AGPAT4: variants seen among roughly 807,000 people sequenced by gnomAD.
AGPAT4 encodes 1-acyl-sn-glycerol-3-phosphate acyltransferase delta.
AGPAT4 carries 15 observed loss-of-function variants against 48.0 expected under a neutral mutation model. The ratio of observed to expected loss-of-function variants is 0.31; its 90% CI spans 0.21 to 0.48. The LOEUF (loss-of-function observed/expected upper bound fraction) is 0.48. AGPAT4 is among the 20% of genes least tolerant of loss of function. AGPAT4 has a pLI of 0.99. For synonymous variants in AGPAT4, 178 were observed against 198.7 expected (o/e 0.90, Z 0.88); for missense variants, 314 against 482.5 (o/e 0.65, Z 3.27).
In AGPAT4 at chr6:161,147,321, CAG is replaced by C. The variant is rs1226357131; in HGVS notation, c.768-724_768-723del. 2.6e-5 allele frequency among the ~76,000 whole-genome samples: 4 copies of C among 152,242 alleles called. No homozygotes were observed. The South Asian group carries it at 6.2e-4, about 24-fold the overall frequency. ...ATTTGCAAAGAGCCCATACTGAACA[CAG>C]GGAGAAGTCACTCTGCCACCTTTGC... On this transcript the variant is annotated intron_variant, in intron 6 of 8. Coordinates refer to ENST00000320285, the MANE Select transcript of AGPAT4 (RefSeq NM_020133.3). This position sits in a 1 kb window ranked among gnomAD's most constrained non-coding sequence, Gnocchi z 4.8.
intron 1 of AGPAT4, among the ~76,000 whole-genome samples, chr6:161,268,624 C>G (rs1371951886): frequency 6.6e-6 from 1 of 152,192 alleles, no homozygotes; most frequent in East Asian, 1.9e-4. Context: ...CTAAACAGAG[C>G]AGAGATGCCC....
rs867233881 is a variant in AGPAT4 at position 161,142,675 on chromosome 6, G to T, written c.844-3055C>A. Among the ~76,000 whole-genome samples, 2 of 152,196 alleles carry T rather than the reference G, an allele frequency of 1.3e-5. No homozygotes were observed. The highest frequency in any genetic ancestry group is 6.5e-5 in the Admixed American group (1 of 15,282). ...GGAGAAAAGAACGGGAGGAAGAACA[G>T]GAAAGAACGAAGAATAGAAGAGAAA... On this transcript the variant is annotated intron_variant, in intron 7 of 8. Transcript: ENST00000320285. The surrounding 1 kb of genome is among the most constrained non-coding windows in gnomAD (Gnocchi z 6.4).
At chr6:161,265,404 A>G (rs1267115549) in intron 1 of AGPAT4, among the ~76,000 whole-genome samples, 1 of 143,234 alleles carries the variant, frequency 7.0e-6, no homozygotes, top group Non-Finnish European at 1.5e-5. Flanking sequence ...TGGGTGCTGG[A>G]TTAGTACCCA....
At position 161,259,466 on chromosome 6, in the gene AGPAT4, C is replaced by A. The variant is rs576576159; in HGVS notation, c.-90+14472G>T. Among the ~76,000 whole-genome samples, 7 of 151,822 alleles carry A rather than the reference C, an allele frequency of 4.6e-5. No homozygotes were observed. The highest frequency in any genetic ancestry group is 1.0e-4 in the Non-Finnish European group (7 of 67,972). ...TAGAGCCACCCGGTCTTTTGCAGGG[C>A]GGTCTGGAGTTGGTTGAGTCTAGAG... On this transcript the variant is annotated intron_variant, in intron 1 of 8. Coordinates refer to ENST00000320285, the MANE Select transcript of AGPAT4 (RefSeq NM_020133.3). The surrounding 1 kb of genome is among the most constrained non-coding windows in gnomAD (Gnocchi z 4.9).
chr6:161,211,489 C>T (rs1781521215), intron 2 of AGPAT4, among the ~76,000 whole-genome samples: 1 of 151,898 alleles, frequency 6.6e-6, no homozygotes, highest in African/African-American at 2.4e-5. Context: ...GAAATAATTT[C>T]ATATGAGAAA....
Position 161,240,264 on chromosome 6 carries a change from A to G in AGPAT4, c.-89-7962T>C, listed in dbSNP as rs1454765732. ...CACACACACACACACACACACACAC[A>G]CACTTAAACAAGTCTGTCCACCTGG... is the stretch of plus-strand genomic sequence containing the variant. On this transcript the variant is annotated intron_variant, in intron 1 of 8. Coordinates refer to ENST00000320285, the MANE Select transcript of AGPAT4 (RefSeq NM_020133.3). This position sits in a 1 kb window ranked among gnomAD's most constrained non-coding sequence, Gnocchi z 5.5. 2.1e-5 allele frequency among the ~76,000 whole-genome samples: 3 copies of G among 143,438 alleles called. No homozygotes were observed. The highest frequency in any genetic ancestry group is 8.0e-5 in the African/African-American group (3 of 37,708). 94.1% of individuals were successfully genotyped at this position (143,438 alleles called of 152,430 possible).
In AGPAT4 at chr6:161,153,345, C is replaced by T. The variant is rs751622068; in HGVS notation, c.664+1G>A. 1.2e-6 allele frequency: 2 copies of T among 1,606,090 alleles called. No homozygotes were observed. The highest frequency in any genetic ancestry group is 1.7e-6 in the Non-Finnish European group (2 of 1,176,036). On this transcript the variant is annotated splice_donor_variant, in intron 5 of 8. Transcript: ENST00000320285. LOFTEE classifies it high-confidence loss of function. ...GCCCAGGGCCACGCACTCTTCCTTA[C>T]CTACATTTCTCAAGCTCCTCACGGT... is the stretch of plus-strand genomic sequence containing the variant.
At position 161,254,952 on chromosome 6, in the gene AGPAT4, G is replaced by T. The variant is rs1399795174; in HGVS notation, c.-90+18986C>A. 6.6e-6 allele frequency among the ~76,000 whole-genome samples: 1 copy of T among 152,140 alleles called. No homozygotes were observed. The highest frequency in any genetic ancestry group is 1.5e-5 in the Non-Finnish European group (1 of 68,022). On this transcript the variant is annotated intron_variant, in intron 1 of 8. Transcript: ENST00000320285. The surrounding 1 kb of genome is among the most constrained non-coding windows in gnomAD (Gnocchi z 5.9). Reference sequence around the variant, plus strand: ...TCACAAAAGCCAGCCCTGACTTCGCGAAGAAAAAGCCTCAAACTGCAGAAC... The same window carrying T: ...TCACAAAAGCCAGCCCTGACTTCGCTAAGAAAAAGCCTCAAACTGCAGAAC...
intron 1 of AGPAT4, among the ~76,000 whole-genome samples, chr6:161,239,290 A>G (rs185082242): frequency 2.2e-4 from 34 of 152,334 alleles, no homozygotes; most frequent in East Asian, 1.9e-3. Context: ...TCCAAACCGC[A>G]TCCTTCTCTA....
chr6:161,161,698 A>C lies in AGPAT4; in HGVS notation c.348+4550T>G. The C allele has an allele frequency of 2.9e-6, 1 of 345,496 alleles. No homozygotes were observed. The highest frequency in any genetic ancestry group is 5.8e-6 in the Non-Finnish European group (1 of 173,426). The allele number at this position is 345,496 out of a possible 1,614,324, so 21.4% of individuals were successfully genotyped here. The stretch of plus-strand genomic sequence containing the variant: ...CCTTGACAAGTGCATGTGTATGAAG[A>C]AGCTGGGGTAAAGGCGGTGAAATAA... On this transcript the variant is annotated intron_variant, in intron 3 of 8. Transcript: ENST00000320285. This position sits in a 1 kb window ranked among gnomAD's most constrained non-coding sequence, Gnocchi z 4.6.
chr6:161,170,133 C>T (rs956067181), intron 2 of AGPAT4, among the ~76,000 whole-genome samples: 4 of 152,166 alleles, frequency 2.6e-5, no homozygotes, highest in African/African-American at 9.7e-5. Flanking sequence ...CCCGCTTGTG[C>T]TTGGTGGTTC....
rs573846319 is a variant in AGPAT4 at position 161,153,284 on chromosome 6, G to A, written c.664+62C>T. 147 of 1,544,800 alleles carry A rather than the reference G, an allele frequency of 9.5e-5. 2 individuals carry two copies. The South Asian group carries it at 1.4e-3, about 15-fold the overall frequency. On this transcript the variant is annotated intron_variant, in intron 5 of 8. Transcript: ENST00000320285. The stretch of plus-strand genomic sequence containing the variant: ...GGCAGGAAGCAAGCTCTGCCCATCC[G>A]GAGCTGGGGCTTGTCTTCCTCGCTG...
At chr6:161,250,566 T>C (rs968577420) in intron 1 of AGPAT4, among the ~76,000 whole-genome samples, 2 of 152,148 alleles carry the variant, frequency 1.3e-5, no homozygotes, top group Admixed American at 1.3e-4. Flanking sequence ...TGTTTAGCAA[T>C]TCTGGGCACA....
rs547172917 is a variant in AGPAT4, at chr6:161,232,652, C to T, written c.-89-350G>A. Among the ~76,000 whole-genome samples, 3 of 152,202 alleles carry T rather than the reference C, an allele frequency of 2.0e-5. No homozygotes were observed. The highest frequency in any genetic ancestry group is 6.5e-5 in the Admixed American group (1 of 15,288). On this transcript the variant is annotated intron_variant, in intron 1 of 8. Coordinates refer to ENST00000320285, the MANE Select transcript of AGPAT4 (RefSeq NM_020133.3). This position sits in a 1 kb window ranked among gnomAD's most constrained non-coding sequence, Gnocchi z 6.8. ...GGAGCCCTGGGTCCCACTTGAGTGACGGCTGCCCACAGGACAGGCCGCAAA... is the reference window on the plus strand; with the variant it reads ...GGAGCCCTGGGTCCCACTTGAGTGATGGCTGCCCACAGGACAGGCCGCAAA...
chr6:161,260,313 T>G (rs73596926), intron 1 of AGPAT4, among the ~76,000 whole-genome samples: 7,572 of 152,098 alleles, frequency 0.05, 598 homozygotes, highest in African/African-American at 0.17. Context: ...AAATTCAAGT[T>G]GTAGAGTCCA....
chr6:161,165,578 TG>T lies in AGPAT4; in HGVS notation c.348+669del. 1 of 1,295,534 alleles carries T rather than the reference TG, an allele frequency of 7.7e-7. No homozygotes were observed. 80.3% of individuals were successfully genotyped at this position (1,295,534 alleles called of 1,614,324 possible). On this transcript the variant is annotated intron_variant, in intron 3 of 8. Coordinates refer to ENST00000320285, the MANE Select transcript of AGPAT4 (RefSeq NM_020133.3). This position sits in a 1 kb window ranked among gnomAD's most constrained non-coding sequence, Gnocchi z 5.5. ...TACACTGTGATTCCTACGGAATACC[TG>T]AGTACCGCAGATGACTCTGATTCAG...
Position 161,225,649 on chromosome 6 carries a change from C to T in AGPAT4, c.178+6387G>A, listed in dbSNP as rs140383530. On this transcript the variant is annotated intron_variant, in intron 2 of 8. Coordinates refer to ENST00000320285, the MANE Select transcript of AGPAT4 (RefSeq NM_020133.3). The surrounding 1 kb of genome is among the most constrained non-coding windows in gnomAD (Gnocchi z 5.0). ...ATCACTGGTGGAAGCAGAGGGATCT[C>T]GTGATGTGGAGCCGTCAGGGTGTGT... Among the ~76,000 whole-genome samples the T allele has an allele frequency of 2.0e-5, 3 of 152,118 alleles. No homozygotes were observed. Among genetic ancestry groups the T allele is most frequent in the Non-Finnish European group, 2.9e-5 (2 of 68,036 alleles).
rs1782575283 is a variant in AGPAT4 at position 161,243,992 on chromosome 6, A to G, written c.-89-11690T>C. ...TGGTTTTGAGGCTCTCTTCCTAATA[A>G]CAAGTTAACTGTCAATTCCCTACAT... On this transcript the variant is annotated intron_variant, in intron 1 of 8. Coordinates refer to ENST00000320285, the MANE Select transcript of AGPAT4 (RefSeq NM_020133.3). The surrounding 1 kb of genome is among the most constrained non-coding windows in gnomAD (Gnocchi z 4.8). Among the ~76,000 whole-genome samples the G allele has an allele frequency of 2.0e-5, 3 of 152,312 alleles. No individual in the cohort carries two copies. In the South Asian group the frequency reaches 6.2e-4, roughly 32 times the overall value.
intron 1 of AGPAT4, among the ~76,000 whole-genome samples, chr6:161,247,981 CAAAAAAA>C (rs143168079): frequency 7.1e-5 from 2 of 28,212 alleles, no homozygotes; most frequent in Non-Finnish European, 1.2e-4. Flanking sequence ...GACTCTGTCT[CAAAAAAA>C]AAAAAAAAAA....
Sources: allele counts gnomAD v4.1 joint callset (sites outside exome capture counted in the v4.1 genomes callset), GRCh38; gene constraint gnomAD v4.1.1; non-coding constraint Gnocchi (gnomAD v3.1); transcripts MANE v1.5; gene names NCBI Gene and HGNC (gene_info 2026-07-23, HGNC 2026-07-21).